Variants in SLCO1B1 observed in about 807,000 individuals in gnomAD.
The protein encoded by SLCO1B1 is solute carrier organic anion transporter family member 1B1, also known as OATP-2.
SLCO1B1 carries 81 observed loss-of-function variants against 70.1 expected under a neutral mutation model. The observed-to-expected ratio is 1.16, with a 90% CI of 0.97 to 1.39. The LOEUF (loss-of-function observed/expected upper bound fraction) is 1.39. Ranked by LOEUF, SLCO1B1 falls within the 40% of genes most tolerant of loss-of-function variation. The pLI, the probability that SLCO1B1 is intolerant of heterozygous loss-of-function variation, is 0.00. For synonymous variants in SLCO1B1, 283 were observed against 271.5 expected (o/e 1.04, Z -0.42); for missense variants, 895 against 799.6 (o/e 1.12, Z -1.44).
intron 2 of SLCO1B1, among the ~76,000 whole-genome samples, chr12:21,156,398 A>G (rs1490156780): frequency 1.3e-5 from 2 of 152,232 alleles, no homozygotes; most frequent in East Asian, 3.8e-4. Context: ...GGCAACTGCT[A>G]GGATATCACA....
chr12:21,151,824 T>G (rs1940474156), intron 2 of SLCO1B1, among the ~76,000 whole-genome samples: 1 of 152,156 alleles, frequency 6.6e-6, no homozygotes, highest in Non-Finnish European at 1.5e-5. Flanking sequence ...TTTTTTCCTT[T>G]GTCTGTGATT....
At position 21,239,282 on chromosome 12, in the gene SLCO1B1, C is replaced by T. The variant is rs1428329768; in HGVS notation, c.*93C>T. 2 of 895,816 alleles carry T rather than the reference C, an allele frequency of 2.2e-6. No homozygotes were observed. The highest frequency in any genetic ancestry group is 2.7e-5 in the South Asian group (2 of 73,636). The allele number at this position is 895,816 out of a possible 1,614,324, so 55.5% of individuals were successfully genotyped here. ...ATTTTTGAGGAGTTCCTGGTCCTTT[C>T]ACTAAGAATTTCCACATCTTTTATG... On this transcript the variant is annotated 3_prime_UTR_variant, in exon 15 of 15. Coordinates refer to ENST00000256958, the MANE Select transcript of SLCO1B1 (RefSeq NM_006446.5).
chr12:21,157,967 G>T (rs943862207), intron 2 of SLCO1B1, among the ~76,000 whole-genome samples: 2 of 152,060 alleles, frequency 1.3e-5, no homozygotes, highest in African/African-American at 4.8e-5. Context: ...TGAATTGGAA[G>T]ATAAAGAAAG....
intron 5 of SLCO1B1, among the ~76,000 whole-genome samples, chr12:21,177,932 T>A (rs1346435534): frequency 6.6e-6 from 1 of 152,166 alleles, no homozygotes; most frequent in Non-Finnish European, 1.5e-5. Context: ...GAACTAGATT[T>A]TTAAATATAT....
chr12:21,208,248 G>C (rs1204266360), intron 11 of SLCO1B1, among the ~76,000 whole-genome samples: 1 of 151,918 alleles, frequency 6.6e-6, no homozygotes, highest in Admixed American at 6.6e-5. Flanking sequence ...GTTTTCTTCA[G>C]TGGTTTTTAT....
chr12:21,235,315 T>TA lies in SLCO1B1; in HGVS notation c.1866-3661dup, dbSNP rs567599979. 3.1e-3 allele frequency among the ~76,000 whole-genome samples: 472 copies of TA among 151,888 alleles called. 2 individuals are homozygous for TA. The highest frequency in any genetic ancestry group is 0.011 in the African/African-American group (451 of 41,436). On this transcript the variant is annotated intron_variant, in intron 14 of 14. Transcript: ENST00000256958. ...TGTAATGCACTTACTTGGTTTTTTT[T>TA]AAACTGTTGTTTGTTTAAGGTCTGT... is the stretch of plus-strand genomic sequence containing the variant.
At chr12:21,136,317 G>C (rs1195397233) in intron 1 of SLCO1B1, among the ~76,000 whole-genome samples, 1 of 152,044 alleles carries the variant, frequency 6.6e-6, no homozygotes, top group African/African-American at 2.4e-5. Context: ...TCTTGGAGTT[G>C]CTCTTCTCGA....
At chr12:21,135,406 A>T (rs1224381253) in intron 1 of SLCO1B1, among the ~76,000 whole-genome samples, 1 of 152,014 alleles carries the variant, frequency 6.6e-6, no homozygotes, top group East Asian at 1.9e-4. Context: ...TTTCTGTCTC[A>T]TTGATCTGTC....
chr12:21,224,783 C>T lies in SLCO1B1; in HGVS notation c.1809C>T (p.Ser603=). Residue 603 remains serine, a synonymous_variant, in exon 14 of 15, where the codon TCC becomes TCT. Transcript: ENST00000256958. The part of the protein sequence containing the change: ...ALIDTTCIKW[S]TNNCGTRGSC... Reference sequence around the variant, plus strand: ...TTGATACAACGTGTATAAAGTGGTCCACCAACAACTGTGGCACACGTGGGT... The same window carrying T: ...TTGATACAACGTGTATAAAGTGGTCTACCAACAACTGTGGCACACGTGGGT... 1 of 1,611,842 alleles carries T rather than the reference C, an allele frequency of 6.2e-7. No individual in the cohort carries two copies. The highest frequency in any genetic ancestry group is 1.1e-5 in the South Asian group (1 of 90,754).
At chr12:21,194,849 T>C (rs896511875) in intron 7 of SLCO1B1, among the ~76,000 whole-genome samples, 5 of 152,248 alleles carry the variant, frequency 3.3e-5, no homozygotes, top group Non-Finnish European at 7.3e-5. Flanking sequence ...GCACTGGCAT[T>C]ATCTCAGATT....
intron 10 of SLCO1B1, 114 bp from the exon 11 acceptor site, chr12:21,205,754 T>A: frequency 1.4e-6 from 1 of 711,994 alleles, no homozygotes; most frequent in Non-Finnish European, 2.1e-6. Context: ...AAATTCTTTA[T>A]CTACTTTTTT....
chr12:21,200,104 A>T (rs112673747), intron 8 of SLCO1B1, among the ~76,000 whole-genome samples: 4 of 152,028 alleles, frequency 2.6e-5, no homozygotes, highest in Admixed American at 2.6e-4. Flanking sequence ...CCCGGCCTTC[A>T]CTTTTGTTTT....
rs377350683 is a variant in SLCO1B1, at chr12:21,224,811, T to A, written c.1837T>A (p.Cys613Ser). 6.2e-6 allele frequency: 10 copies of A among 1,602,750 alleles called. No individual in the cohort carries two copies. The Admixed American group carries it at 1.3e-4, about 21-fold the overall frequency. The change falls in exon 14 of 15, where the codon TGT (cysteine) becomes AGT (serine). Residue 613 changes from cysteine to serine, a missense_variant. Transcript: ENST00000256958. Reference sequence around the variant, plus strand: ...CAACAACTGTGGCACACGTGGGTCATGTAGGACATATAATTCCACATCATT... The same window carrying A: ...CAACAACTGTGGCACACGTGGGTCAAGTAGGACATATAATTCCACATCATT... ...STNNCGTRGS[C>S]RTYNSTSFSR...
chr12:21,233,567 C>CA (rs1445198484), intron 14 of SLCO1B1, among the ~76,000 whole-genome samples: 14 of 116,624 alleles, frequency 1.2e-4, no homozygotes, highest in South Asian at 7.9e-4. Flanking sequence ...AAAAAACAAA[C>CA]AAACAAAAAA....
intron 2 of SLCO1B1, among the ~76,000 whole-genome samples, chr12:21,143,658 G>T (rs895612533): frequency 7.9e-5 from 12 of 152,066 alleles, no homozygotes; most frequent in East Asian, 1.9e-4. Flanking sequence ...TACACTGAAG[G>T]TCTGAACTCA....
intron 2 of SLCO1B1, among the ~76,000 whole-genome samples, chr12:21,171,240 G>T (rs1050164992): frequency 6.6e-6 from 1 of 152,144 alleles, no homozygotes; most frequent in South Asian, 2.1e-4. Context: ...CAAGTGAAAA[G>T]CAAGAACAAA....
intron 14 of SLCO1B1, among the ~76,000 whole-genome samples, chr12:21,236,882 ATATCTT>A (rs1941600855): frequency 6.6e-6 from 1 of 151,712 alleles, no homozygotes; most frequent in Non-Finnish European, 1.5e-5. Flanking sequence ...GCAGCATGAT[ATATCTT>A]CCTCCATCTA....
chr12:21,223,330 A>G (rs1051840734), intron 13 of SLCO1B1, among the ~76,000 whole-genome samples: 1 of 152,190 alleles, frequency 6.6e-6, no homozygotes, highest in African/African-American at 2.4e-5. Context: ...ATTGTCTTGA[A>G]TACAATAAAC....
chr12:21,173,771 C>CTTTTTT (rs55687335), intron 3 of SLCO1B1, among the ~76,000 whole-genome samples: 1 of 115,050 alleles, frequency 8.7e-6, no homozygotes, highest in African/African-American at 3.5e-5. Flanking sequence ...GTGGTCATGA[C>CTTTTTT]TTTTTTTTTT....
Sources: gnomAD v4.1 joint callset for allele counts (sites outside exome capture counted in the v4.1 genomes callset) on GRCh38, gnomAD v4.1.1 for gene constraint, MANE v1.5 for transcripts, NCBI Gene and HGNC (gene_info 2026-07-23, HGNC 2026-07-21) for gene names.